The following LARGE1 variants were observed in gnomAD, a reference collection of about 807,000 sequenced individuals.
The protein encoded by LARGE1 is LARGE xylosyl- and glucuronyltransferase 1, also known as xylosyl- and glucuronyltransferase LARGE1.
Under a neutral mutation model 87.6 loss-of-function variants are expected in LARGE1, and 43 were observed. The observed-to-expected ratio is 0.49, with a 90% CI of 0.38 to 0.63. The LOEUF (loss-of-function observed/expected upper bound fraction) is 0.63. LARGE1 is among the 30% of genes least tolerant of loss of function. The pLI is 0.00. For synonymous variants in LARGE1, 434 were observed against 394.6 expected, an observed-to-expected ratio of 1.10 and a Z score of -1.18; for missense variants, 802 against 1,000.2, an observed-to-expected ratio of 0.80 and a Z score of 2.67.
At position 33,722,851 on chromosome 22, in the gene LARGE1, G is replaced by A. The variant is rs560363902; in HGVS notation, c.106+38520C>T. 8.5e-5 allele frequency among the ~76,000 whole-genome samples: 13 copies of A among 152,330 alleles called. No individual in the cohort carries two copies. The South Asian group carries it at 2.7e-3, about 32-fold the overall frequency. ...CACGTGCATTCAGGGAACCATCGAG[G>A]CCGCAGCATGGGTAGGCTGCTGATT... On this transcript the variant is annotated intron_variant, in intron 2 of 14. Transcript: ENST00000397394.
intron 6 of LARGE1, among the ~76,000 whole-genome samples, chr22:33,500,398 T>C (rs1569216646): frequency 1.3e-5 from 2 of 152,192 alleles, no homozygotes; most frequent in Non-Finnish European, 2.9e-5. Flanking sequence ...ATCTTACCTG[T>C]TCAATTATAG....
At chr22:33,511,868 T>A (rs2071071816) in intron 6 of LARGE1, among the ~76,000 whole-genome samples, 1 of 152,240 alleles carries the variant, frequency 6.6e-6, no homozygotes, top group Non-Finnish European at 1.5e-5. Flanking sequence ...TTTGTCAAAC[T>A]GTCTAACTGC....
At chr22:33,588,544 C>T (rs575264814) in intron 5 of LARGE1, among the ~76,000 whole-genome samples, 13 of 152,040 alleles carry the variant, frequency 8.6e-5, no homozygotes, top group South Asian at 4.2e-4. Flanking sequence ...TGCGCACGCA[C>T]GCATATAAAA....
downstream of LARGE1, among the ~76,000 whole-genome samples, chr22:33,159,816 T>A (rs1921965745): frequency 6.6e-6 from 1 of 151,756 alleles, no homozygotes; most frequent in Non-Finnish European, 1.5e-5. Context: ...CTTGATCTCC[T>A]GACCTTATGA....
At chr22:33,581,944 G>A (rs2078533306) in intron 5 of LARGE1, among the ~76,000 whole-genome samples, 1 of 152,030 alleles carries the variant, frequency 6.6e-6, no homozygotes, top group Non-Finnish European at 1.5e-5. Context: ...GGAATAAAAT[G>A]ACACAAATCC....
chr22:33,470,567 C>T (rs2148102476), intron 6 of LARGE1, among the ~76,000 whole-genome samples: 2 of 152,344 alleles, frequency 1.3e-5, no homozygotes, highest in Middle Eastern at 6.8e-3. Context: ...CCTGACAAGC[C>T]TGGTCTCTTA....
intron 4 of LARGE1, among the ~76,000 whole-genome samples, chr22:33,607,118 T>C (rs1466051801): frequency 6.6e-6 from 1 of 152,100 alleles, no homozygotes; most frequent in African/African-American, 2.4e-5. Context: ...GATGTAGACA[T>C]GTCATTTAGG....
chr22:33,480,067 C>A (rs746970059), intron 6 of LARGE1, among the ~76,000 whole-genome samples: 1 of 152,110 alleles, frequency 6.6e-6, no homozygotes, highest in Non-Finnish European at 1.5e-5. Flanking sequence ...ATCGGTCAAG[C>A]AATGTACAAA....
chr22:33,612,444 A>T (rs4239873), intron 4 of LARGE1, among the ~76,000 whole-genome samples: 1 of 152,082 alleles, frequency 6.6e-6, no homozygotes, highest in Non-Finnish European at 1.5e-5. Context: ...TCTAACAGGG[A>T]TAGGTGACAT....
At chr22:33,489,097 G>A (rs1449025366) in intron 6 of LARGE1, among the ~76,000 whole-genome samples, 5 of 152,180 alleles carry the variant, frequency 3.3e-5, no homozygotes, top group Non-Finnish European at 7.3e-5. Context: ...ATGATGCTAG[G>A]TGCTGAGGCT....
intron 11 of LARGE1, among the ~76,000 whole-genome samples, chr22:33,194,627 AT>A (rs1370212510): frequency 6.6e-6 from 1 of 152,186 alleles, no homozygotes; most frequent in East Asian, 1.9e-4. Flanking sequence ...CTCTACTAAG[AT>A]TAAGGGTCAA....
chr22:33,736,206 G>A (rs2083650512), intron 2 of LARGE1, among the ~76,000 whole-genome samples: 1 of 152,056 alleles, frequency 6.6e-6, no homozygotes, highest in African/African-American at 2.4e-5. Context: ...CACTTTTTTT[G>A]GAATCACCCA....
rs535915450 is a variant in LARGE1 at position 33,277,267 on chromosome 22, G to A, written c.1878-12C>T. 54 of 1,613,608 alleles carry A rather than the reference G, an allele frequency of 3.3e-5. No homozygotes were observed. The highest frequency in any genetic ancestry group is 1.5e-4 in the South Asian group (14 of 90,986). On this transcript the variant is annotated splice_polypyrimidine_tract_variant and intron_variant, in intron 13 of 14. Transcript: ENST00000397394. ...TCCAGACGTGGTACCTGAGACACAC[G>A]GAGAAAAGCCATTGGGTGTAGGGAA...
intron 1 of LARGE1, among the ~76,000 whole-genome samples, chr22:33,765,444 C>T (rs566141152): frequency 6.6e-6 from 1 of 152,176 alleles, no homozygotes; most frequent in African/African-American, 2.4e-5. Flanking sequence ...TGGCTCACAC[C>T]TGTAATCCCA....
chr22:33,545,491 G>C (rs542040273), intron 6 of LARGE1, among the ~76,000 whole-genome samples: 1 of 151,798 alleles, frequency 6.6e-6, no homozygotes, highest in South Asian at 2.1e-4. Flanking sequence ...GCCCAGGCTG[G>C]AGTGCAGTGG....
intron 9 of LARGE1, among the ~76,000 whole-genome samples, chr22:33,343,887 C>T (rs1003782169): frequency 6.6e-6 from 1 of 152,100 alleles, no homozygotes; most frequent in East Asian, 1.9e-4. Flanking sequence ...TTAACTTACA[C>T]GATCACAAGG....
intron 2 of LARGE1, among the ~76,000 whole-genome samples, chr22:33,745,579 G>A (rs2084049712): frequency 6.6e-6 from 1 of 152,170 alleles, no homozygotes; most frequent in Non-Finnish European, 1.5e-5. Flanking sequence ...AGTGAGCTAA[G>A]TGCAGCATTT....
At chr22:33,344,653 A>T (rs1483419471) in intron 9 of LARGE1, among the ~76,000 whole-genome samples, 13 of 152,254 alleles carry the variant, frequency 8.5e-5, no homozygotes, top group Non-Finnish European at 1.5e-4. Flanking sequence ...ATATATATAT[A>T]TTTTTATCAG....
the LARGE1 span, among the ~76,000 whole-genome samples, chr22:33,122,017 A>G: frequency 6.6e-6 from 1 of 152,216 alleles, no homozygotes; most frequent in Non-Finnish European, 1.5e-5. Flanking sequence ...TATGGGAGCT[A>G]CAATTCAAGA....
Sources: gnomAD v4.1 joint callset for allele counts (sites outside exome capture counted in the v4.1 genomes callset) on GRCh38, gnomAD v4.1.1 for gene constraint, MANE v1.5 for transcripts, NCBI Gene and HGNC (gene_info 2026-07-23, HGNC 2026-07-21) for gene names.